SASH1: variants seen among roughly 807,000 people sequenced by gnomAD.
SASH1 encodes the protein SAM and SH3 domain-containing protein 1.
SASH1 carries 44 observed loss-of-function variants against 125.2 expected under a neutral mutation model. The ratio of observed to expected loss-of-function variants is 0.35; its 90% confidence interval spans 0.28 to 0.45. The LOEUF (loss-of-function observed/expected upper bound fraction) is 0.45. SASH1 is among the 20% of genes least tolerant of loss of function. The pLI, the probability that SASH1 is intolerant of heterozygous loss-of-function variation, is 1.00. For synonymous variants in SASH1, 639 were observed against 649.1 expected (o/e 0.98, Z 0.24); for missense variants, 1,426 against 1,614.5 (o/e 0.88, Z 2.00).
chr6:148,396,547 A>G (rs1305482759), intron 2 of SASH1, among the ~76,000 whole-genome samples: 1 of 151,306 alleles, frequency 6.6e-6, no homozygotes, highest in African/African-American at 2.4e-5. Flanking sequence ...ATGACTTATC[A>G]TTCCTTGCAA....
intron 8 of SASH1, among the ~76,000 whole-genome samples, chr6:148,501,330 G>T (rs1382170452): frequency 6.6e-6 from 1 of 152,130 alleles, no homozygotes; most frequent in Non-Finnish European, 1.5e-5. Context: ...AATCCCTTAG[G>T]AGACTTACGG....
intron 1 of SASH1, among the ~76,000 whole-genome samples, chr6:148,307,407 C>T (rs1420057523): frequency 6.6e-6 from 1 of 152,058 alleles, no homozygotes; most frequent in African/African-American, 2.4e-5. Flanking sequence ...TGAGCCACCG[C>T]ACCTGGCCAG....
chr6:148,389,320 A>G (rs1178995577), intron 1 of SASH1, among the ~76,000 whole-genome samples: 2 of 152,174 alleles, frequency 1.3e-5, no homozygotes, highest in African/African-American at 4.8e-5. Context: ...ACCAGGCGCT[A>G]TGGAGCTGGG....
intron 10 of SASH1, 186 bp from the exon 11 acceptor site, chr6:148,525,105 A>G: frequency 1.7e-6 from 1 of 576,274 alleles, no homozygotes; most frequent in Non-Finnish European, 3.1e-6. Flanking sequence ...GAAAGGGAAA[A>G]ATGAGTGAAG....
At position 148,387,624 on chromosome 6, in the gene SASH1, CTTT is replaced by C. The variant is rs1562371257; in HGVS notation, c.157-2509_157-2507del. On this transcript the variant is annotated intron_variant, in intron 1 of 19. Coordinates refer to ENST00000367467, the MANE Select transcript of SASH1 (RefSeq NM_015278.5). ...TCTTTCTTTCTTTCTTTCTTTCTTT[CTTT>C]CTTTCTTTCTTTCTTTCTTTCTTTC... Among the ~76,000 whole-genome samples the C allele has an allele frequency of 7.6e-3, 221 of 28,906 alleles. 20 individuals carry two copies. The highest frequency in any genetic ancestry group is 0.024 in the African/African-American group (189 of 7,968). 19.0% of individuals were successfully genotyped at this position (28,906 alleles called of 152,430 possible). A position where few individuals can be genotyped will look rare whatever the true frequency, so the allele number is the denominator to read the frequency against.
intron 1 of SASH1, among the ~76,000 whole-genome samples, chr6:148,337,390 A>T (rs1562332084): frequency 6.6e-6 from 1 of 151,696 alleles, no homozygotes; most frequent in African/African-American, 2.4e-5. Context: ...CGCCTGGCAA[A>T]TTTTTTTGTA....
At chr6:148,488,355 C>G (rs1296127589) in intron 8 of SASH1, among the ~76,000 whole-genome samples, 2 of 152,252 alleles carry the variant, frequency 1.3e-5, no homozygotes, top group Admixed American at 1.3e-4. Context: ...ATATTCCACT[C>G]TATGTGTATA....
At chr6:148,497,609 T>C (rs1382177575) in intron 8 of SASH1, among the ~76,000 whole-genome samples, 4 of 152,240 alleles carry the variant, frequency 2.6e-5, no homozygotes, top group African/African-American at 9.6e-5. Context: ...ATTCTTAAAA[T>C]ACTTGAGTTC....
chr6:148,369,035 G>A lies in SASH1; in HGVS notation c.157-21099G>A, dbSNP rs551175334. On this transcript the variant is annotated intron_variant, in intron 1 of 19. Transcript: ENST00000367467. ...GTAAATGCCTGCCTTGTGCAACATTGTGGTGGAGCTGCAAAGAGTTATGAA... is the reference window on the plus strand; with the variant it reads ...GTAAATGCCTGCCTTGTGCAACATTATGGTGGAGCTGCAAAGAGTTATGAA... Among the ~76,000 whole-genome samples the A allele has an allele frequency of 2.0e-5, 3 of 152,326 alleles. No homozygotes were observed. The South Asian group carries it at 6.2e-4, about 32-fold the overall frequency.
chr6:148,300,640 A>G (rs1388121122), intron 1 of SASH1, among the ~76,000 whole-genome samples: 1 of 151,392 alleles, frequency 6.6e-6, no homozygotes, highest in East Asian at 1.9e-4. Context: ...TTATATTCTT[A>G]CTGGCTAATT....
chr6:148,437,026 A>G (rs752469634), intron 2 of SASH1, among the ~76,000 whole-genome samples: 5 of 152,238 alleles, frequency 3.3e-5, no homozygotes, highest in Non-Finnish European at 5.9e-5. Flanking sequence ...ACATTGTGAC[A>G]TCCAGATCGG....
chr6:148,199,436 G>A, the SASH1 span, among the ~76,000 whole-genome samples: 1 of 151,092 alleles, frequency 6.6e-6, no homozygotes, highest in Non-Finnish European at 1.5e-5. Flanking sequence ...CTCCTTTTAA[G>A]GACTGTAGTT....
the SASH1 span, among the ~76,000 whole-genome samples, chr6:148,225,075 A>G: frequency 1.3e-5 from 2 of 152,120 alleles, no homozygotes; most frequent in Non-Finnish European, 2.9e-5. Context: ...ACAAACTGGA[A>G]GGCAAACAGA....
chr6:148,531,931 G>A (rs113479334), intron 13 of SASH1, among the ~76,000 whole-genome samples: 4,697 of 152,168 alleles, frequency 0.031, 85 homozygotes, highest in African/African-American at 0.039. Flanking sequence ...AGAGCAGGGG[G>A]AATAAGCCAG....
intron 8 of SASH1, among the ~76,000 whole-genome samples, chr6:148,501,528 C>G (rs181814881): frequency 8.7e-4 from 133 of 152,276 alleles, no homozygotes; most frequent in African/African-American, 3.1e-3. Context: ...TAGATTTGCT[C>G]TGGATAACAC....
At chr6:148,389,581 C>T (rs1053708254) in intron 1 of SASH1, among the ~76,000 whole-genome samples, 16 of 152,146 alleles carry the variant, frequency 1.1e-4, no homozygotes, top group African/African-American at 3.9e-4. Context: ...CTGAGAGGTG[C>T]AGTGAGATTT....
chr6:148,487,789 T>C (rs949777446), intron 8 of SASH1, 74 bp downstream of exon 8: 8 of 1,153,086 alleles, frequency 6.9e-6, no homozygotes, highest in Non-Finnish European at 3.8e-6. Context: ...TTAGTCTTTG[T>C]ATTTCTTTTC....
chr6:148,198,344 T>C, the SASH1 span, among the ~76,000 whole-genome samples: 2 of 152,232 alleles, frequency 1.3e-5, no homozygotes, highest in Non-Finnish European at 2.9e-5. Context: ...TTTCTAGCAG[T>C]GTGAAAATGG....
intron 1 of SASH1, among the ~76,000 whole-genome samples, chr6:148,322,098 C>T (rs1467431504): frequency 6.6e-6 from 1 of 152,160 alleles, no homozygotes; most frequent in Non-Finnish European, 1.5e-5. Context: ...TGCCTGTAAT[C>T]CTAGCACTTT....
Sources: gnomAD v4.1 joint callset for allele counts (sites outside exome capture counted in the v4.1 genomes callset) on GRCh38, gnomAD v4.1.1 for gene constraint, MANE v1.5 for transcripts, NCBI Gene and HGNC (gene_info 2026-07-23, HGNC 2026-07-21) for gene names.